The following IGF2BP2 variants were observed in gnomAD, a reference collection of about 807,000 sequenced individuals.
IGF2BP2 encodes the protein insulin like growth factor 2 mRNA binding protein 2, also known as insulin-like growth factor 2 mRNA-binding protein 2.
Under a neutral mutation model 75.8 loss-of-function variants are expected in IGF2BP2, and 17 were observed. That is an observed-to-expected ratio of 0.22 (90% confidence interval 0.15 to 0.34). IGF2BP2 has a LOEUF of 0.34. IGF2BP2 is among the 10% of genes least tolerant of loss of function. IGF2BP2 has a pLI of 1.00. For synonymous variants in IGF2BP2, 288 were observed against 295.6 expected (o/e 0.97, Z 0.26); for missense variants, 516 against 772.4 (o/e 0.67, Z 3.93).
At chr3:185,655,609 G>T (rs1167653218) in intron 12 of IGF2BP2, among the ~76,000 whole-genome samples, 1 of 152,206 alleles carries the variant, frequency 6.6e-6, no homozygotes, top group Non-Finnish European at 1.5e-5. Flanking sequence ...TCCTGACGCA[G>T]CACTGCTGTC....
chr3:185,710,152 ATTTTTT>A (rs567527407), intron 2 of IGF2BP2, among the ~76,000 whole-genome samples: 119 of 117,552 alleles, frequency 1.0e-3, no homozygotes, highest in African/African-American at 3.0e-3. Context: ...GTAGTTTTAG[ATTTTTT>A]TTTTTTTTTT....
chr3:185,727,156 T>G (rs1204333652), intron 2 of IGF2BP2, among the ~76,000 whole-genome samples: 1 of 149,802 alleles, frequency 6.7e-6, no homozygotes, highest in Non-Finnish European at 1.5e-5. Flanking sequence ...AGGCAGAGGT[T>G]GCAGTGAGCT....
intron 2 of IGF2BP2, among the ~76,000 whole-genome samples, chr3:185,769,830 C>CAAAAAAAAAAAAAAAAAAAAAAAAAA: frequency 1.3e-5 from 1 of 77,174 alleles, no homozygotes. Flanking sequence ...ACCCTGTCTC[C>CAAAAAAAAAAAAAAAAAAAAAAAAAA]AAAAAAAAAA....
chr3:185,722,537 A>ATATCAC, intron 2 of IGF2BP2: 1 of 270,284 alleles, frequency 3.7e-6, no homozygotes. Context: ...CTTGGAAGTA[A>ATATCAC]GTGATATGGT....
intron 2 of IGF2BP2, among the ~76,000 whole-genome samples, chr3:185,739,978 C>T (rs1729338855): frequency 6.6e-6 from 1 of 151,428 alleles, no homozygotes; most frequent in Non-Finnish European, 1.5e-5. Flanking sequence ...ACCTCACCCT[C>T]CTGAGTAGCT....
chr3:185,797,846 C>T (rs1737639656), intron 2 of IGF2BP2, among the ~76,000 whole-genome samples: 1 of 148,236 alleles, frequency 6.7e-6, no homozygotes, highest in Non-Finnish European at 1.5e-5. Context: ...GTCAAGGCTC[C>T]GGTAAGCCAA....
intron 3 of IGF2BP2, among the ~76,000 whole-genome samples, chr3:185,697,093 G>GT: frequency 6.7e-6 from 1 of 148,660 alleles, no homozygotes; most frequent in East Asian, 1.9e-4. Flanking sequence ...TAATAATCAG[G>GT]TTTTTTGTTT....
intron 2 of IGF2BP2, chr3:185,767,713 G>C (rs906551029): frequency 2.6e-5 from 4 of 154,030 alleles, no homozygotes; most frequent in Non-Finnish European, 5.9e-5. Context: ...CTGAAATGAG[G>C]AATACAATTC....
In IGF2BP2 at chr3:185,643,862, T is replaced by C. The variant is rs1713067494; in HGVS notation, c.*1669A>G. 6.6e-6 allele frequency: 1 copy of C among 150,992 alleles called. No homozygotes were observed. The highest frequency in any genetic ancestry group is 2.4e-5 in the African/African-American group (1 of 40,966). The allele number at this position is 150,992 out of a possible 1,614,324, so 9.4% of individuals were successfully genotyped here. A position where few individuals can be genotyped will look rare whatever the true frequency, so the allele number is the denominator to read the frequency against. On this transcript the variant is annotated 3_prime_UTR_variant, in exon 16 of 16. Coordinates refer to ENST00000382199, the MANE Select transcript of IGF2BP2 (RefSeq NM_006548.6). ...TGCAGTCTGGTGGTATAATGGCTTG[T>C]CCACATAAACCAGTACATGTTCATC... is the stretch of plus-strand genomic sequence containing the variant.
chr3:185,664,072 T>C (rs1716905113), intron 10 of IGF2BP2, among the ~76,000 whole-genome samples: 2 of 152,200 alleles, frequency 1.3e-5, no homozygotes, highest in East Asian at 1.9e-4. Flanking sequence ...TGGACATAGC[T>C]TTCTAAGATG....
chr3:185,675,039 GCTTTT>G, intron 9 of IGF2BP2: 1 of 124,942 alleles, frequency 8.0e-6, no homozygotes, highest in Admixed American at 1.1e-4. Flanking sequence ...TTTTATTCTT[GCTTTT>G]CTTAATAAAC....
chr3:185,660,629 T>C (rs1304136829), intron 10 of IGF2BP2, among the ~76,000 whole-genome samples: 1 of 152,132 alleles, frequency 6.6e-6, no homozygotes, highest in Non-Finnish European at 1.5e-5. Flanking sequence ...CGCTATGAGA[T>C]CAGCAGTCTC....
intron 7 of IGF2BP2, among the ~76,000 whole-genome samples, chr3:185,680,669 C>T (rs768643176): frequency 7.2e-4 from 110 of 152,088 alleles, no homozygotes; most frequent in Non-Finnish European, 1.3e-3. Context: ...GGGAGCTGGG[C>T]GCAGTGGCTT....
intron 2 of IGF2BP2, among the ~76,000 whole-genome samples, chr3:185,799,076 C>T (rs1213790415): frequency 6.8e-6 from 1 of 148,018 alleles, no homozygotes; most frequent in East Asian, 2.2e-4. Flanking sequence ...GTGCCTGGCT[C>T]TAAGTTTTTC....
chr3:185,658,556 C>T (rs1455124362), intron 10 of IGF2BP2, 147 bp from the exon 11 acceptor site: 1 of 625,696 alleles, frequency 1.6e-6, no homozygotes, highest in Non-Finnish European at 2.8e-6. Flanking sequence ...CCCTCTGTGT[C>T]TCAGATCTCT....
At position 185,823,182 on chromosome 3, in the gene IGF2BP2, T is replaced by G. The variant is rs1741584053; in HGVS notation, c.210A>C (p.Glu70Asp). Residue 70 changes from glutamate (E) to aspartate (D), a missense_variant, in exon 2 of 16, where the codon GAA becomes GAC. Physicochemically the swap from Glu to Asp is conservative, Grantham distance 45. This residue lies in a region of IGF2BP2 where 312 missense variants were observed against 474.5 expected (regional missense o/e 0.66). Coordinates refer to ENST00000382199, the MANE Select transcript of IGF2BP2 (RefSeq NM_006548.6). The part of the protein sequence containing the change: ...GKVELHGKIM[E>D]VDYSVSKKLR... ...GCTTTTTAGAGACTGAGTAATCAACTTCCATGATTTTCCCATGCAATTCCA... is the reference window on the plus strand; with the variant it reads ...GCTTTTTAGAGACTGAGTAATCAACGTCCATGATTTTCCCATGCAATTCCA... 3.7e-6 allele frequency: 6 copies of G among 1,609,194 alleles called. No individual in the cohort carries two copies. Among genetic ancestry groups the G allele is most frequent in the Non-Finnish European group, 5.1e-6 (6 of 1,177,790 alleles).
At chr3:185,806,349 T>C (rs1015280181) in intron 2 of IGF2BP2, among the ~76,000 whole-genome samples, 2 of 152,166 alleles carry the variant, frequency 1.3e-5, no homozygotes, top group Non-Finnish European at 2.9e-5. Context: ...TAGAAAATTA[T>C]ATTTACCCGT....
At chr3:185,650,664 G>C (rs1714442481) in intron 13 of IGF2BP2, among the ~76,000 whole-genome samples, 1 of 151,432 alleles carries the variant, frequency 6.6e-6, no homozygotes, top group Admixed American at 6.6e-5. Flanking sequence ...GTGACAGAGG[G>C]AGACTCCGTC....
chr3:185,734,611 C>G (rs904458975), intron 2 of IGF2BP2, among the ~76,000 whole-genome samples: 1 of 152,082 alleles, frequency 6.6e-6, no homozygotes, highest in Non-Finnish European at 1.5e-5. Flanking sequence ...TATAGGTTTC[C>G]AATGAAGTGA....
Sources: gnomAD v4.1 joint callset for allele counts (sites outside exome capture counted in the v4.1 genomes callset) on GRCh38, gnomAD v4.1.1 for gene constraint, gnomAD v4.1.1 regional missense constraint, MANE v1.5 for transcripts, NCBI Gene and HGNC (gene_info 2026-07-23, HGNC 2026-07-21) for gene names.